Variants in PXYLP1 observed in about 807,000 individuals in gnomAD.
PXYLP1 encodes acid phosphatase-like 2.
In PXYLP1, 17 loss-of-function variants were observed where a neutral mutation model predicts 37.9. That is an observed-to-expected ratio of 0.45 (90% confidence interval 0.31 to 0.67). The LOEUF is 0.67. Among genes scored for constraint, PXYLP1 ranks in the 30% least tolerant of loss-of-function variants. The probability of loss-of-function intolerance (pLI) is 0.07; values close to 1 mark genes in which losing one functional copy is unlikely to be tolerated. For synonymous variants in PXYLP1, 221 were observed against 232.2 expected, an observed-to-expected ratio of 0.95 and a Z score of 0.44; for missense variants, 511 against 612.0, an observed-to-expected ratio of 0.84 and a Z score of 1.74.
chr3:141,275,325 C>T (rs1941766414), intron 2 of PXYLP1, among the ~76,000 whole-genome samples: 1 of 152,220 alleles, frequency 6.6e-6, no homozygotes, highest in Non-Finnish European at 1.5e-5. Context: ...CAACAGGCCT[C>T]ACCCCGGGTG....
At chr3:141,266,671 G>A (rs1388593666) in intron 2 of PXYLP1, among the ~76,000 whole-genome samples, 1 of 143,520 alleles carries the variant, frequency 7.0e-6, no homozygotes, top group Non-Finnish European at 1.5e-5. Flanking sequence ...GAGAGAGATG[G>A]GGGGAGAGAG....
At chr3:141,237,017 T>A (rs1940673821) in intron 1 of PXYLP1, among the ~76,000 whole-genome samples, 1 of 152,210 alleles carries the variant, frequency 6.6e-6, no homozygotes. Context: ...AGCAACTTTG[T>A]CCATATCTCA....
In PXYLP1 at chr3:141,234,500, C is replaced by T. The variant is rs117290731; in HGVS notation, c.-54+2589C>T. ...GTACCACTTGCAGAGCCCCACTGGC[C>T]ACTTCAGATTGCACCATCCCCACTC... On this transcript the variant is annotated intron_variant, in intron 1 of 5. Coordinates refer to ENST00000286353, the MANE Select transcript of PXYLP1 (RefSeq NM_001037172.3). 7.2e-3 allele frequency among the ~76,000 whole-genome samples: 1,091 copies of T among 152,296 alleles called. 48 individuals carry two copies. The East Asian group carries it at 0.11, about 16-fold the overall frequency.
rs1449397394 is a variant in PXYLP1, at chr3:141,237,570, TATA to T, written c.-54+5666_-54+5668del. On this transcript the variant is annotated intron_variant, in intron 1 of 5. Transcript: ENST00000286353. ...TCATGGTACTGTTGTGAAACTGAAA[TATA>T]ATAATACATGATGAGGGCTTAGAAA... 2.0e-5 allele frequency among the ~76,000 whole-genome samples: 3 copies of T among 152,232 alleles called. No individual in the cohort carries two copies. The East Asian group carries it at 5.8e-4, about 29-fold the overall frequency.
rs543769631 is a variant in PXYLP1, at chr3:141,260,820, A to G, written c.79+566A>G. ...CAGGCCAGGCCCCAAATCTGTGCAC[A>G]CTACAGCTCACCTAAGAGTGGCTGT... On this transcript the variant is annotated intron_variant, in intron 2 of 5. Coordinates refer to ENST00000286353, the MANE Select transcript of PXYLP1 (RefSeq NM_001037172.3). 1.4e-4 allele frequency among the ~76,000 whole-genome samples: 21 copies of G among 152,328 alleles called. No individual in the cohort carries two copies. The South Asian group carries it at 4.1e-3, about 30-fold the overall frequency.
At chr3:141,232,517 C>G (rs1940545772) in intron 1 of PXYLP1, 1 of 152,350 alleles carries the variant, frequency 6.6e-6, no homozygotes, top group Admixed American at 6.5e-5. Flanking sequence ...CCTGACGCCT[C>G]CGGGAGTCCC....
At chr3:141,269,922 C>T (rs140689807) in intron 2 of PXYLP1, among the ~76,000 whole-genome samples, 170 of 152,380 alleles carry the variant, frequency 1.1e-3, no homozygotes, top group Non-Finnish European at 2.1e-3. Flanking sequence ...CTCTGAGAGG[C>T]TGCAACTGGG....
intron 1 of PXYLP1, among the ~76,000 whole-genome samples, chr3:141,244,330 T>C (rs945739183): frequency 6.6e-6 from 1 of 151,928 alleles, no homozygotes; most frequent in African/African-American, 2.4e-5. Context: ...TCTTTTTGAC[T>C]TAACAATATA....
intron 1 of PXYLP1, among the ~76,000 whole-genome samples, chr3:141,238,852 A>G (rs538921933): frequency 6.6e-6 from 1 of 152,280 alleles, no homozygotes; most frequent in East Asian, 1.9e-4. Flanking sequence ...AACATTTCCT[A>G]TTCGTTAAGT....
chr3:141,274,568 G>A, intron 2 of PXYLP1: 1 of 1,028,306 alleles, frequency 9.7e-7, no homozygotes, highest in Non-Finnish European at 1.5e-6. Context: ...CACATGAGGA[G>A]TCAATGAGAT....
chr3:141,253,233 G>A (rs1941184420), intron 1 of PXYLP1, among the ~76,000 whole-genome samples: 1 of 152,170 alleles, frequency 6.6e-6, no homozygotes, highest in Non-Finnish European at 1.5e-5. Context: ...TGGGGAAGCT[G>A]GCCTGGGTAG....
At chr3:141,233,149 C>T (rs1193375654) in intron 1 of PXYLP1, among the ~76,000 whole-genome samples, 1 of 152,066 alleles carries the variant, frequency 6.6e-6, no homozygotes, top group Non-Finnish European at 1.5e-5. Flanking sequence ...ATCGGGACAT[C>T]TGTGGGAAGG....
chr3:141,260,291 AG>A, intron 2 of PXYLP1, 37 bp downstream of exon 2: 1 of 1,605,730 alleles, frequency 6.2e-7, no homozygotes, highest in Non-Finnish European at 8.5e-7. Flanking sequence ...GTGGGAGGGT[AG>A]GGGCTTCATA....
At chr3:141,237,620 G>A (rs1189615737) in intron 1 of PXYLP1, among the ~76,000 whole-genome samples, 3 of 152,226 alleles carry the variant, frequency 2.0e-5, no homozygotes, top group Non-Finnish European at 4.4e-5. Flanking sequence ...CATGGTACAT[G>A]CTTTAAAAAT....
At position 141,292,884 on chromosome 3, in the gene PXYLP1, C is replaced by T. The variant is rs755822898; in HGVS notation, c.1122C>T (p.Leu374=). 90 of 1,614,106 alleles carry T rather than the reference C, an allele frequency of 5.6e-5. No homozygotes were observed. The highest frequency in any genetic ancestry group is 3.7e-4 in the Admixed American group (22 of 60,008). The change falls in exon 6 of 6, where the codon CTC becomes CTT. Residue 374 remains leucine (L), a synonymous_variant. Coordinates refer to ENST00000286353, the MANE Select transcript of PXYLP1 (RefSeq NM_001037172.3). This position sits in a 1 kb window ranked among gnomAD's most constrained non-coding sequence, Gnocchi z 4.3. ...GCAGGAAAGAAGAGCTCTTTGCCCT[C>T]TACTCTGCTCATGATGTCACTCTGT... ...TEGRKEELFA[L]YSAHDVTLSP...
At chr3:141,268,645 G>A (rs906731107) in intron 2 of PXYLP1, among the ~76,000 whole-genome samples, 3 of 152,220 alleles carry the variant, frequency 2.0e-5, no homozygotes, top group Admixed American at 6.5e-5. Context: ...TGATCTAAAA[G>A]AGGAGACAAG....
At chr3:141,269,675 G>A (rs776069011) in intron 2 of PXYLP1, among the ~76,000 whole-genome samples, 2 of 152,148 alleles carry the variant, frequency 1.3e-5, no homozygotes, top group African/African-American at 2.4e-5. Context: ...AGGATCAATC[G>A]TTTTCATCAG....
rs2148818486 is a variant in PXYLP1, at chr3:141,280,374, A to G, written c.365+870A>G. On this transcript the variant is annotated intron_variant, in intron 4 of 5. Coordinates refer to ENST00000286353, the MANE Select transcript of PXYLP1 (RefSeq NM_001037172.3). ...GCTCGTCTTGCAGGGCCCCTGTCAC[A>G]GTGATGCCAGGACCCTCTAATGGGG... 3.3e-5 allele frequency among the ~76,000 whole-genome samples: 5 copies of G among 152,362 alleles called. No homozygotes were observed. In the Middle Eastern group the frequency reaches 0.01, roughly 311 times the overall value.
intron 2 of PXYLP1, chr3:141,262,848 G>A (rs1056643032): frequency 7.3e-6 from 5 of 683,404 alleles, no homozygotes; most frequent in African/African-American, 3.6e-5. Context: ...ATAACGCACA[G>A]GTTTCGCTTA....
Sources: gnomAD v4.1 joint callset for allele counts (sites outside exome capture counted in the v4.1 genomes callset) on GRCh38, gnomAD v4.1.1 for gene constraint, Gnocchi (gnomAD v3.1) non-coding constraint, MANE v1.5 for transcripts, NCBI Gene and HGNC (gene_info 2026-07-23, HGNC 2026-07-21) for gene names.